GRK3: variants seen among roughly 807,000 people sequenced by gnomAD.
GRK3 encodes the protein adrenergic, beta, receptor kinase 2.
A neutral mutation model predicts 95.7 loss-of-function variants in GRK3; 54 were observed. That is an observed-to-expected ratio of 0.56 (90% CI 0.45 to 0.71). The LOEUF (loss-of-function observed/expected upper bound fraction) is 0.71. Ranked by LOEUF, GRK3 falls within the 30% of genes least tolerant of loss-of-function variation. The pLI, the probability that GRK3 is intolerant of heterozygous loss-of-function variation, is 0.00. For missense variants in GRK3, 649 were observed against 851.2 expected, an observed-to-expected ratio of 0.76 and a Z score of 2.96; for synonymous variants, 281 against 290.8, an observed-to-expected ratio of 0.97 and a Z score of 0.34.
intron 17 of GRK3, among the ~76,000 whole-genome samples, chr22:25,712,919 C>A (rs1790051560): frequency 1.3e-5 from 2 of 152,182 alleles, no homozygotes; most frequent in African/African-American, 4.8e-5. Flanking sequence ...CTGAGTCCAG[C>A]AGGGAGGGCA....
chr22:25,677,995 A>T (rs547808281), intron 8 of GRK3, among the ~76,000 whole-genome samples: 1 of 152,354 alleles, frequency 6.6e-6, no homozygotes, highest in East Asian at 1.9e-4. Context: ...GAAAAATCTT[A>T]TTGATTCTTT....
chr22:25,639,460 G>A (rs964074943), intron 2 of GRK3, among the ~76,000 whole-genome samples: 1 of 152,102 alleles, frequency 6.6e-6, no homozygotes, highest in South Asian at 2.1e-4. Flanking sequence ...CTATATAAAT[G>A]TGGGCATATT....
intron 10 of GRK3, among the ~76,000 whole-genome samples, chr22:25,685,836 T>C (rs1377965221): frequency 6.6e-6 from 1 of 151,376 alleles, no homozygotes; most frequent in Admixed American, 6.6e-5. Context: ...AGAACTGAAA[T>C]AAAGCATACA....
chr22:25,623,000 G>GGCGCGATCTTGGCTCACT (rs2084597878), intron 2 of GRK3, among the ~76,000 whole-genome samples: 1 of 152,178 alleles, frequency 6.6e-6, no homozygotes, highest in African/African-American at 2.4e-5. Flanking sequence ...GGAGGGCGGT[G>GGCGCGATCTTGGCTCACT]GCGCGATCTT....
chr22:25,582,281 CAA>C (rs1283715312), intron 1 of GRK3, among the ~76,000 whole-genome samples: 2 of 131,218 alleles, frequency 1.5e-5, no homozygotes, highest in Non-Finnish European at 1.6e-5. Context: ...TACCCTGTCT[CAA>C]AAAAAAAAAA....
In GRK3 at chr22:25,714,667, C is replaced by T. The variant is rs918139511; in HGVS notation, c.1654+97C>T. On this transcript the variant is annotated intron_variant, in intron 18 of 20. Coordinates refer to ENST00000324198, the MANE Select transcript of GRK3 (RefSeq NM_005160.4). ...AGTATTTGGGTCGTAAGGTATTTTG[C>T]AGTCGAGAAGAAAGCAATGCCATAA... 155 of 1,214,718 alleles carry T rather than the reference C, an allele frequency of 1.3e-4. No individual in the cohort carries two copies. In the Admixed American group the frequency reaches 1.3e-3, roughly 10 times the overall value. 75.2% of individuals were successfully genotyped at this position (1,214,718 alleles called of 1,614,324 possible). A position where few individuals can be genotyped will look rare whatever the true frequency, so the allele number is the denominator to read the frequency against.
At chr22:25,642,583 T>G (rs2084751225) in intron 2 of GRK3, among the ~76,000 whole-genome samples, 1 of 152,212 alleles carries the variant, frequency 6.6e-6, no homozygotes, top group Non-Finnish European at 1.5e-5. Context: ...TACATTGTAC[T>G]CAATCTGTGA....
chr22:25,574,468 A>T (rs955799365), intron 1 of GRK3, among the ~76,000 whole-genome samples: 8 of 152,236 alleles, frequency 5.3e-5, no homozygotes, highest in African/African-American at 1.7e-4. Context: ...CTGCAGCCTG[A>T]CAGAGTGAGG....
At chr22:25,718,435 T>C in intron 19 of GRK3, 54 bp downstream of exon 19, 1 of 1,581,292 alleles carries the variant, frequency 6.3e-7, no homozygotes, top group Middle Eastern at 1.7e-4. Context: ...CAATGGCATA[T>C]GGTTATTTCA....
intron 15 of GRK3, among the ~76,000 whole-genome samples, chr22:25,705,921 G>C (rs2085296060): frequency 6.6e-6 from 1 of 152,158 alleles, no homozygotes; most frequent in Non-Finnish European, 1.5e-5. Context: ...CATGGAGCTA[G>C]GTTACCACTC....
chr22:25,663,592 A>G, intron 4 of GRK3, 38 bp from the exon 5 acceptor site: 3 of 1,406,702 alleles, frequency 2.1e-6, no homozygotes, highest in Non-Finnish European at 3.0e-6. Context: ...GATTGGTTAC[A>G]TTTTATTATT....
intron 1 of GRK3, among the ~76,000 whole-genome samples, chr22:25,590,592 C>T (rs928617728): frequency 4.6e-5 from 7 of 152,004 alleles, no homozygotes; most frequent in East Asian, 1.9e-4. Flanking sequence ...AAGGCTGAGG[C>T]GGATGGATCA....
intron 9 of GRK3, among the ~76,000 whole-genome samples, chr22:25,684,011 A>G (rs76277391): frequency 6.6e-6 from 1 of 152,232 alleles, no homozygotes; most frequent in Non-Finnish European, 1.5e-5. Context: ...TTAAATCTAC[A>G]TCAGCTGGAA....
At chr22:25,625,809 G>C (rs890997587) in intron 2 of GRK3, among the ~76,000 whole-genome samples, 6 of 152,200 alleles carry the variant, frequency 3.9e-5, no homozygotes, top group African/African-American at 1.2e-4. Context: ...GGCGTAAGCT[G>C]TTTTTCTCTT....
rs142814177 is a variant in GRK3, at chr22:25,655,216, C to A, written c.265-6360C>A. 4.1e-3 allele frequency among the ~76,000 whole-genome samples: 617 copies of A among 152,252 alleles called. 4 individuals carry two copies. Among genetic ancestry groups the A allele is most frequent in the African/African-American group, 0.014 (591 of 41,536 alleles). The stretch of plus-strand genomic sequence containing the variant: ...GTTACCCATTTCCCATGTTAAAGTT[C>A]TAACTGCGTATCCTGGCATTCAAAG... On this transcript the variant is annotated intron_variant, in intron 3 of 20. Coordinates refer to ENST00000324198, the MANE Select transcript of GRK3 (RefSeq NM_005160.4).
intron 2 of GRK3, among the ~76,000 whole-genome samples, chr22:25,635,072 A>G (rs1293204882): frequency 2.0e-5 from 3 of 152,224 alleles, no homozygotes; most frequent in African/African-American, 7.2e-5. Flanking sequence ...ATGGCTTTGA[A>G]TGTGGCCCCA....
Position 25,695,010 on chromosome 22 carries a change from G to A in GRK3, c.1053-97G>A, listed in dbSNP as rs867837946. 46 of 732,404 alleles carry A rather than the reference G, an allele frequency of 6.3e-5. 1 individual carries two copies. The highest frequency in any genetic ancestry group is 6.9e-4 in the Middle Eastern group (2 of 2,882). The allele number at this position is 732,404 out of a possible 1,614,324, so 45.4% of individuals were successfully genotyped here. On this transcript the variant is annotated intron_variant, in intron 12 of 20. Transcript: ENST00000324198. ...TGTCCCCTCTCCTTTGTTTACAGTC[G>A]CTGCCATCTAATGAAGGACACCCGG... is the stretch of plus-strand genomic sequence containing the variant.
intron 3 of GRK3, among the ~76,000 whole-genome samples, chr22:25,645,689 G>A (rs775575025): frequency 1.3e-5 from 2 of 152,112 alleles, no homozygotes; most frequent in African/African-American, 4.8e-5. Flanking sequence ...TTGGGAGGCC[G>A]AGGCGGGTGG....
chr22:25,716,587 A>G (rs6004746), intron 18 of GRK3, among the ~76,000 whole-genome samples: 62 of 152,288 alleles, frequency 4.1e-4, no homozygotes, highest in African/African-American at 1.5e-3. Flanking sequence ...GGTCACCTTT[A>G]TAGAAAAATA....
Sources: gnomAD v4.1 joint callset for allele counts (sites outside exome capture counted in the v4.1 genomes callset) on GRCh38, gnomAD v4.1.1 for gene constraint, MANE v1.5 for transcripts, NCBI Gene and HGNC (gene_info 2026-07-23, HGNC 2026-07-21) for gene names.